GALNT9: variants seen among roughly 807,000 people sequenced by gnomAD.
GALNT9 encodes polypeptide N-acetylgalactosaminyltransferase 9.
In GALNT9, 47 loss-of-function variants were observed where a neutral mutation model predicts 63.1. That is an observed-to-expected ratio of 0.75 (90% CI 0.59 to 0.95). GALNT9 has a LOEUF of 0.95. GALNT9 is among the 40% of genes least tolerant of loss of function. GALNT9 has a pLI of 0.00. For synonymous variants in GALNT9, 396 were observed against 365.7 expected, an observed-to-expected ratio of 1.08 and a Z score of -0.94; for missense variants, 829 against 874.8, an observed-to-expected ratio of 0.95 and a Z score of 0.66.
intron 1 of GALNT9, among the ~76,000 whole-genome samples, chr12:132,289,357 A>G (rs1555242490): frequency 6.6e-6 from 1 of 152,156 alleles, no homozygotes; most frequent in African/African-American, 2.4e-5. Context: ...TTTTGTTGTC[A>G]TATATTTAAT....
chr12:132,284,481 T>G (rs1880509615), intron 2 of GALNT9: 1 of 152,264 alleles, frequency 6.6e-6, no homozygotes, highest in African/African-American at 2.4e-5. Context: ...ATTTTAAAAC[T>G]AAATGCATTT....
chr12:132,267,985 T>C (rs1452582262), intron 2 of GALNT9, among the ~76,000 whole-genome samples: 2 of 126,344 alleles, frequency 1.6e-5, no homozygotes, highest in Admixed American at 1.6e-4. Flanking sequence ...CCACATGAAC[T>C]CACACACATG....
intron 1 of GALNT9, among the ~76,000 whole-genome samples, chr12:132,298,394 TCCACTCCTGATAACCAAG>T (rs1189907550): frequency 7.7e-6 from 1 of 129,930 alleles, no homozygotes; most frequent in Non-Finnish European, 1.6e-5. Context: ...CCATACCTAA[TCCACTCCTGATAACCAAG>T]CCACTCCTGA....
chr12:132,197,886 T>G lies in GALNT9; in HGVS notation c.1571A>C (p.Lys524Thr). 6.2e-7 allele frequency: 1 copy of G among 1,611,578 alleles called. No homozygotes were observed. Among genetic ancestry groups the G allele is most frequent in the Non-Finnish European group, 8.5e-7 (1 of 1,179,364 alleles). Residue 524 changes from lysine (K) to threonine (T), a missense_variant, in exon 10 of 11, where the codon AAG becomes ACG. Transcript: ENST00000328957. ...LGSTAFLPDS[K>T]CLVDDGTGRM... Reference sequence around the variant, plus strand: ...GCCCGTGCCGTCATCCACCAGACACTTGGAGTCAGGCAAGAAGGCTGTGGA... The same window carrying G: ...GCCCGTGCCGTCATCCACCAGACACGTGGAGTCAGGCAAGAAGGCTGTGGA...
chr12:132,290,881 T>G (rs113670400), intron 1 of GALNT9, among the ~76,000 whole-genome samples: 107 of 6,730 alleles, frequency 0.016, no homozygotes, highest in Middle Eastern at 0.12. Context: ...CACGTCCACA[T>G]CACCCACATC....
In GALNT9 at chr12:132,268,897, C is replaced by T. The variant is rs139393709; in HGVS notation, c.420-6272G>A. Among the ~76,000 whole-genome samples, 63 of 152,338 alleles carry T rather than the reference C, an allele frequency of 4.1e-4. 1 individual carries two copies. The highest frequency in any genetic ancestry group is 7.2e-4 in the African/African-American group (30 of 41,580). On this transcript the variant is annotated intron_variant, in intron 2 of 10. Coordinates refer to ENST00000328957, the MANE Select transcript of GALNT9 (RefSeq NM_001122636.2). ...ACAAAAGCGGCGCCGGTGAGGGTCG[C>T]GGAGGGGCCGGAACGCCCACGTGTG...
intron 1 of GALNT9, among the ~76,000 whole-genome samples, chr12:132,312,544 G>A (rs1233808823): frequency 4.6e-5 from 7 of 152,228 alleles, no homozygotes. Context: ...TCCTCTGATG[G>A]TGCACACACC....
intron 6 of GALNT9, among the ~76,000 whole-genome samples, chr12:132,228,498 C>A (rs1334557639): frequency 3.3e-5 from 5 of 150,820 alleles, no homozygotes; most frequent in East Asian, 1.9e-4. Context: ...CACCTCCTCG[C>A]TCCCTCCCCA....
At chr12:132,225,892 CCCA>C (rs1347165263) in intron 6 of GALNT9, among the ~76,000 whole-genome samples, 8 of 145,922 alleles carry the variant, frequency 5.5e-5, no homozygotes, top group East Asian at 2.1e-4. Context: ...CACCACACAC[CCCA>C]CAACCCACAC....
At chr12:132,239,037 G>C (rs1878104891) in intron 6 of GALNT9, among the ~76,000 whole-genome samples, 1 of 152,186 alleles carries the variant, frequency 6.6e-6, no homozygotes, top group Non-Finnish European at 1.5e-5. Context: ...AGGTGCTCTA[G>C]AACCTGGCCT....
chr12:132,286,529 C>G lies in GALNT9; in HGVS notation c.239-99G>C. 2 of 1,446,202 alleles carry G rather than the reference C, an allele frequency of 1.4e-6. No homozygotes were observed. The highest frequency in any genetic ancestry group is 5.0e-5 in the East Asian group (2 of 39,978). 89.6% of individuals were successfully genotyped at this position (1,446,202 alleles called of 1,614,324 possible). A position where few individuals can be genotyped will look rare whatever the true frequency, so the allele number is the denominator to read the frequency against. ...CGCCCCTCTCCCCGACGGCCGCTTC[C>G]CCCGGTACAAGCCCAGCAAACTCCC... On this transcript the variant is annotated intron_variant, in intron 1 of 10. Transcript: ENST00000328957. The surrounding 1 kb of genome is among the most constrained non-coding windows in gnomAD (Gnocchi z 7.4).
rs1368284454 is a variant in GALNT9, at chr12:132,252,721, A to T, written c.960-4694T>A. Among the ~76,000 whole-genome samples the T allele has an allele frequency of 6.6e-6, 1 of 152,166 alleles. No individual in the cohort carries two copies. Among genetic ancestry groups the T allele is most frequent in the Non-Finnish European group, 1.5e-5 (1 of 68,014 alleles). ...TGGAGAAACCCCGTCTCTACTAAAA[A>T]TACCAAAAAAAATTAGCCAGGCGTG... On this transcript the variant is annotated intron_variant, in intron 5 of 10. Transcript: ENST00000328957. The surrounding 1 kb of genome is among the most constrained non-coding windows in gnomAD (Gnocchi z 5.2).
chr12:132,205,039 G>T (rs374747859), intron 6 of GALNT9, among the ~76,000 whole-genome samples: 70 of 152,242 alleles, frequency 4.6e-4, no homozygotes, highest in African/African-American at 1.4e-3. Flanking sequence ...CCAACTGCAG[G>T]GGCGCACGGG....
intron 2 of GALNT9, among the ~76,000 whole-genome samples, chr12:132,270,330 C>T (rs1291528514): frequency 6.6e-6 from 1 of 152,208 alleles, no homozygotes; most frequent in Non-Finnish European, 1.5e-5. Context: ...CCAGGAACCT[C>T]CTCCAGAAGG....
Position 132,245,492 on chromosome 12 carries a change from C to T in GALNT9, c.1077+2418G>A, listed in dbSNP as rs186956343. Among the ~76,000 whole-genome samples, 7 of 152,220 alleles carry T rather than the reference C, an allele frequency of 4.6e-5. No homozygotes were observed. The highest frequency in any genetic ancestry group is 2.0e-4 in the Admixed American group (3 of 15,294). Reference sequence around the variant, plus strand: ...TGGAGACGGGAGGGAAGCTCTCCAACGGCTGCAGCCAGGGCCCTCTGTGGT... The same window carrying T: ...TGGAGACGGGAGGGAAGCTCTCCAATGGCTGCAGCCAGGGCCCTCTGTGGT... On this transcript the variant is annotated intron_variant, in intron 6 of 10. Coordinates refer to ENST00000328957, the MANE Select transcript of GALNT9 (RefSeq NM_001122636.2). This position sits in a 1 kb window ranked among gnomAD's most constrained non-coding sequence, Gnocchi z 6.3.
chr12:132,290,244 GC>G (rs372208920), intron 1 of GALNT9, among the ~76,000 whole-genome samples: 1 of 152,154 alleles, frequency 6.6e-6, no homozygotes, highest in African/African-American at 2.4e-5. Context: ...TGCCCCGTCT[GC>G]CCTCACCACA....
chr12:132,279,218 G>A lies in GALNT9; in HGVS notation c.419+7032C>T, dbSNP rs1021179260. 3 of 152,280 alleles carry A rather than the reference G, an allele frequency of 2.0e-5. No individual in the cohort carries two copies. The highest frequency in any genetic ancestry group is 3.9e-4 in the East Asian group (2 of 5,184). The allele number at this position is 152,280 out of a possible 1,614,324, so 9.4% of individuals were successfully genotyped here. ...ATTTCCCACAGGGAAGGCCTAACAA[G>A]GCTTGACCAATCAGTGAAGGGCATT... On this transcript the variant is annotated intron_variant, in intron 2 of 10. Coordinates refer to ENST00000328957, the MANE Select transcript of GALNT9 (RefSeq NM_001122636.2). The surrounding 1 kb of genome is among the most constrained non-coding windows in gnomAD (Gnocchi z 4.1).
chr12:132,225,433 C>A lies in GALNT9; in HGVS notation c.1078-21743G>T, dbSNP rs942370131. 5.6e-3 allele frequency among the ~76,000 whole-genome samples: 819 copies of A among 147,482 alleles called. 4 individuals are homozygous for A. The highest frequency in any genetic ancestry group is 9.1e-3 in the Non-Finnish European group (606 of 66,534). On this transcript the variant is annotated intron_variant, in intron 6 of 10. Transcript: ENST00000328957. ...ACAACCCACACACTATATACACCCC[C>A]CACACACACACCACACAACTGAAAC...
chr12:132,286,001 C>T lies in GALNT9; in HGVS notation c.419+249G>A, dbSNP rs369702041. On this transcript the variant is annotated intron_variant, in intron 2 of 10. Transcript: ENST00000328957. This position sits in a 1 kb window ranked among gnomAD's most constrained non-coding sequence, Gnocchi z 7.4. ...TCCACTTTCCCACAGCAGACCTTTGCGCGTTTCTCCCAGGAGCCCGCAGCT... is the reference window on the plus strand; with the variant it reads ...TCCACTTTCCCACAGCAGACCTTTGTGCGTTTCTCCCAGGAGCCCGCAGCT... Among the ~76,000 whole-genome samples, 298 of 152,190 alleles carry T rather than the reference C, an allele frequency of 2.0e-3. 2 individuals carry two copies. The highest frequency in any genetic ancestry group is 3.3e-3 in the Admixed American group (51 of 15,306).
Sources: allele counts gnomAD v4.1 joint callset (sites outside exome capture counted in the v4.1 genomes callset), GRCh38; gene constraint gnomAD v4.1.1; non-coding constraint Gnocchi (gnomAD v3.1); transcripts MANE v1.5; gene names NCBI Gene and HGNC (gene_info 2026-07-23, HGNC 2026-07-21).